The following PHACTR3 variants were observed in gnomAD, a reference collection of about 807,000 sequenced individuals.
PHACTR3 encodes phosphatase and actin regulator 3.
Under a neutral mutation model 66.8 loss-of-function variants are expected in PHACTR3, and 16 were observed. The observed-to-expected ratio is 0.24, with a 90% CI of 0.16 to 0.36. PHACTR3 has a LOEUF of 0.36. Among genes scored for constraint, PHACTR3 ranks in the 10% least tolerant of loss-of-function variants. The pLI is 1.00. For missense variants in PHACTR3, 647 were observed against 719.9 expected, an observed-to-expected ratio of 0.90 and a Z score of 1.16; for synonymous variants, 323 against 292.1, an observed-to-expected ratio of 1.11 and a Z score of -1.08.
At chr20:59,688,146 G>T (rs2036967816) in intron 1 of PHACTR3, among the ~76,000 whole-genome samples, 1 of 152,176 alleles carries the variant, frequency 6.6e-6, no homozygotes, top group Admixed American at 6.5e-5. Context: ...TCCTATTAGA[G>T]CCAAGATGTA....
chr20:59,833,260 A>G (rs2042437219), intron 8 of PHACTR3, among the ~76,000 whole-genome samples: 1 of 152,246 alleles, frequency 6.6e-6, no homozygotes, highest in African/African-American at 2.4e-5. Flanking sequence ...GAAGCCCTGC[A>G]GTGAGCGATT....
intron 8 of PHACTR3, among the ~76,000 whole-genome samples, chr20:59,812,864 TC>T (rs2041777590): frequency 6.6e-6 from 1 of 152,028 alleles, no homozygotes; most frequent in Non-Finnish European, 1.5e-5. Context: ...GGGACCATCA[TC>T]CCTGCTCTGC....
At chr20:59,755,627 T>C (rs909963735) in intron 4 of PHACTR3, among the ~76,000 whole-genome samples, 8 of 72,586 alleles carry the variant, frequency 1.1e-4, no homozygotes, top group Non-Finnish European at 2.3e-4. Context: ...CTGGCACACC[T>C]ACCCCCCCTC....
chr20:59,604,173 C>G (rs964725618), upstream of PHACTR3, among the ~76,000 whole-genome samples: 1 of 152,162 alleles, frequency 6.6e-6, no homozygotes, highest in African/African-American at 2.4e-5. Context: ...TCGCTCCCCT[C>G]CGGTGCCGGG....
intron 4 of PHACTR3, among the ~76,000 whole-genome samples, chr20:59,755,753 G>A (rs544406874): frequency 6.6e-6 from 1 of 152,200 alleles, no homozygotes; most frequent in Non-Finnish European, 1.5e-5. Flanking sequence ...TAGGGTTGAG[G>A]GACTTTTCTG....
intron 8 of PHACTR3, among the ~76,000 whole-genome samples, chr20:59,815,787 A>T (rs1427238450): frequency 5.3e-5 from 8 of 152,074 alleles, no homozygotes; most frequent in African/African-American, 1.9e-4. Context: ...GTGATCATTT[A>T]TCTTTATGGA....
intron 8 of PHACTR3, among the ~76,000 whole-genome samples, chr20:59,816,166 T>G (rs1777057953): frequency 6.6e-6 from 1 of 151,874 alleles, no homozygotes; most frequent in African/African-American, 2.4e-5. Context: ...TCATCAGGCA[T>G]TAGATTCTCA....
At chr20:59,847,083 C>CT in intron 12 of PHACTR3, 32 bp from the exon 13 acceptor site, 1 of 1,465,118 alleles carries the variant, frequency 6.8e-7, no homozygotes, top group Non-Finnish European at 9.5e-7. Flanking sequence ...AATGAATAAC[C>CT]TTAAATTCTT....
At chr20:59,721,269 T>C (rs2038282682) in intron 1 of PHACTR3, 1 of 152,280 alleles carries the variant, frequency 6.6e-6, no homozygotes, top group Non-Finnish European at 1.5e-5. Context: ...TGCCCCAGGC[T>C]GTGTAGGATG....
In PHACTR3 at chr20:59,767,968, T is replaced by C. The variant is rs150115332; in HGVS notation, c.751+573T>C. Among the ~76,000 whole-genome samples the C allele has an allele frequency of 4.6e-5, 7 of 152,192 alleles. No individual in the cohort carries two copies. In the East Asian group the frequency reaches 1.4e-3, roughly 29 times the overall value. On this transcript the variant is annotated intron_variant, in intron 5 of 12. Transcript: ENST00000371015. The stretch of plus-strand genomic sequence containing the variant: ...TCTCTTTCAGTCAGTCTCTCTCCCT[T>C]CCTCCCTCCCTCTCTCTGCTGGTCT...
At chr20:59,828,112 T>A (rs1163610502) in intron 8 of PHACTR3, among the ~76,000 whole-genome samples, 1 of 152,212 alleles carries the variant, frequency 6.6e-6, no homozygotes, top group Non-Finnish European at 1.5e-5. Context: ...AGCCTGTTTA[T>A]GATGACCTGA....
intron 7 of PHACTR3, among the ~76,000 whole-genome samples, chr20:59,782,225 G>GT (rs964872710): frequency 6.6e-4 from 100 of 152,096 alleles, no homozygotes; most frequent in Middle Eastern, 3.2e-3. Flanking sequence ...AGAGGTGGTT[G>GT]TTTTTTTCAT....
At chr20:59,801,987 A>T (rs2041427199) in intron 7 of PHACTR3, among the ~76,000 whole-genome samples, 2 of 152,154 alleles carry the variant, frequency 1.3e-5, no homozygotes, top group Admixed American at 1.3e-4. Context: ...TGCCTTATTG[A>T]ACTGAGCAGA....
intron 1 of PHACTR3, among the ~76,000 whole-genome samples, chr20:59,670,981 C>T (rs1292900709): frequency 3.3e-5 from 5 of 152,186 alleles, no homozygotes; most frequent in Middle Eastern, 3.2e-3. Flanking sequence ...GCTTTCTGTG[C>T]TCATGTGCGC....
At chr20:59,782,613 G>A (rs970366009) in intron 7 of PHACTR3, among the ~76,000 whole-genome samples, 2 of 152,176 alleles carry the variant, frequency 1.3e-5, no homozygotes, top group African/African-American at 4.8e-5. Context: ...CAATCATGGT[G>A]GCAGGCAAGA....
Position 59,845,256 on chromosome 20 carries a change from A to C in PHACTR3, c.1655A>C (p.His552Pro), listed in dbSNP as rs1347342549. ...ATGGAGGTACATGCATCAAGCAAGC[A>C]CTTGACAAGGTCAGATTTGTTTCTG... ...NEMEVHASSKHLTRFHRP is the reference protein window; with the variant it reads ...NEMEVHASSKPLTRFHRP The change falls in exon 12 of 13, where the codon CAC (histidine) becomes CCC (proline). Residue 552 changes from histidine to proline, a missense_variant. Physicochemically the swap from His to Pro is moderately conservative, Grantham distance 77. Coordinates refer to ENST00000371015, the MANE Select transcript of PHACTR3 (RefSeq NM_080672.5). 6.2e-7 allele frequency: 1 copy of C among 1,605,446 alleles called. No individual in the cohort carries two copies.
upstream of PHACTR3, among the ~76,000 whole-genome samples, chr20:59,604,363 T>C (rs1243666370): frequency 6.6e-6 from 1 of 151,128 alleles, no homozygotes; most frequent in Non-Finnish European, 1.5e-5. Flanking sequence ...GGTGGGCGGC[T>C]CCTAACCCGG....
intron 1 of PHACTR3, among the ~76,000 whole-genome samples, chr20:59,605,688 G>A (rs192691352): frequency 1.3e-5 from 2 of 152,360 alleles, no homozygotes; most frequent in East Asian, 1.9e-4. Context: ...GACGAAGGGC[G>A]TGCGCCAGGA....
chr20:59,774,319 C>T lies in PHACTR3; in HGVS notation c.1003C>T (p.Arg335Trp), dbSNP rs570660590. ...TCTGTCGAGAACGTCCAGCGTGGAG[C>T]GGGGCAAGGAGAGGGAGGAGGCTTG... ...VRLSRTSSVERGKEREEAWSF... is the reference protein window; with the variant it reads ...VRLSRTSSVEWGKEREEAWSF... The change falls in exon 7 of 13, where the codon CGG becomes TGG. Residue 335 changes from arginine to tryptophan, a missense_variant. Arg to Trp is a moderately radical substitution (Grantham distance 101, BLOSUM62 -3). This residue lies in a region of PHACTR3 where 577 missense variants were observed against 571.1 expected (regional missense o/e 1.01). Transcript: ENST00000371015. 1.5e-5 allele frequency: 25 copies of T among 1,613,962 alleles called. 1 individual carries two copies. The highest frequency in any genetic ancestry group is 1.4e-4 in the South Asian group (13 of 91,048).
Sources: gnomAD v4.1 joint callset for allele counts (sites outside exome capture counted in the v4.1 genomes callset) on GRCh38, gnomAD v4.1.1 for gene constraint, gnomAD v4.1.1 regional missense constraint, MANE v1.5 for transcripts, NCBI Gene and HGNC (gene_info 2026-07-23, HGNC 2026-07-21) for gene names.